The following UBA2 variants were observed in gnomAD, a reference collection of about 807,000 sequenced individuals.
UBA2 encodes the protein ubiquitin like modifier activating enzyme 2, also known as SUMO-activating enzyme subunit 2.
UBA2 carries 11 observed loss-of-function variants against 77.2 expected under a neutral mutation model. The ratio of observed to expected loss-of-function variants is 0.14; its 90% CI spans 0.09 to 0.24. UBA2 has a LOEUF of 0.24. UBA2 is among the 10% of genes least tolerant of loss of function. The pLI is 1.00. For synonymous variants in UBA2, 278 were observed against 276.7 expected, an observed-to-expected ratio of 1.00 and a Z score of -0.05; for missense variants, 487 against 781.7, an observed-to-expected ratio of 0.62 and a Z score of 4.50.
At chr19:34,463,957 T>A in intron 14 of UBA2, 69 bp from the exon 15 acceptor site, 11 of 1,176,730 alleles carry the variant, frequency 9.3e-6, no homozygotes, top group Non-Finnish European at 1.4e-5. Flanking sequence ...AGGTTTAGCT[T>A]TTTAAAAAAT....
chr19:34,468,409 A>G (rs184417768), intron 16 of UBA2, among the ~76,000 whole-genome samples: 136 of 152,312 alleles, frequency 8.9e-4, no homozygotes, highest in African/African-American at 3.2e-3. Flanking sequence ...TGAAATGTAC[A>G]TTTATTGATT....
intron 5 of UBA2, among the ~76,000 whole-genome samples, chr19:34,436,013 G>C (rs2075304076): frequency 1.3e-5 from 2 of 151,772 alleles, no homozygotes; most frequent in Admixed American, 1.3e-4. Context: ...CCAGCTACTT[G>C]GGAGGCTGAG....
At chr19:34,447,698 C>G (rs1054112256) in intron 8 of UBA2, among the ~76,000 whole-genome samples, 1 of 152,194 alleles carries the variant, frequency 6.6e-6, no homozygotes, top group African/African-American at 2.4e-5. Context: ...AAACTTTGAA[C>G]AATAAATTTC....
intron 8 of UBA2, among the ~76,000 whole-genome samples, chr19:34,449,105 C>T (rs2075464362): frequency 8.6e-6 from 1 of 115,946 alleles, no homozygotes; most frequent in East Asian, 2.8e-4. Context: ...GAGTCTCACT[C>T]TGTTGCCAGG....
At chr19:34,435,617 G>A (rs539854853) in intron 5 of UBA2, among the ~76,000 whole-genome samples, 2 of 151,430 alleles carry the variant, frequency 1.3e-5, no homozygotes, top group Admixed American at 1.3e-4. Flanking sequence ...ATGACTTGAG[G>A]TCAGGAGTTC....
chr19:34,437,136 AT>A (rs896936202), intron 5 of UBA2, among the ~76,000 whole-genome samples: 5 of 151,994 alleles, frequency 3.3e-5, no homozygotes, highest in African/African-American at 1.2e-4. Context: ...TAATTTTTGC[AT>A]TTTTGGTAGA....
chr19:34,451,798 G>A (rs1201654078), intron 9 of UBA2, among the ~76,000 whole-genome samples, 183 bp from the exon 10 acceptor site: 1 of 151,758 alleles, frequency 6.6e-6, no homozygotes, highest in Non-Finnish European at 1.5e-5. Flanking sequence ...CGTCTGCCTC[G>A]GCCTCCCAAA....
Position 34,469,209 on chromosome 19 carries a change from A to T in UBA2, c.1911A>T (p.Ile637=). The change falls in exon 17 of 17, where the codon ATA becomes ATT. Residue 637 remains isoleucine (I), a synonymous_variant. Coordinates refer to ENST00000246548, the MANE Select transcript of UBA2 (RefSeq NM_005499.3). The stretch of plus-strand genomic sequence containing the variant: ...AGAAGGAAGAGCTTGATGATGTCAT[A>T]GCATTAGATTGAACAGAAATGCCTC... ...IEQKEELDDV[I]ALD is the part of the protein sequence containing the mutation. 1 of 1,588,018 alleles carries T rather than the reference A, an allele frequency of 6.3e-7. No individual in the cohort carries two copies. The highest frequency in any genetic ancestry group is 1.4e-5 in the African/African-American group (1 of 73,574).
chr19:34,465,274 A>G (rs2075675276), intron 15 of UBA2, among the ~76,000 whole-genome samples: 1 of 152,178 alleles, frequency 6.6e-6, no homozygotes, highest in Admixed American at 6.5e-5. Context: ...TGAGTATACA[A>G]ACATGCATAG....
chr19:34,440,307 CAAAAAA>C (rs60873964), intron 6 of UBA2, among the ~76,000 whole-genome samples: 4 of 90,398 alleles, frequency 4.4e-5, no homozygotes, highest in South Asian at 3.3e-4. Flanking sequence ...GATGATGTTT[CAAAAAA>C]AAAAAAAAAA....
Position 34,450,284 on chromosome 19 carries a change from G to C in UBA2, c.791G>C (p.Arg264Thr). The C allele has an allele frequency of 6.2e-7, 1 of 1,610,698 alleles. No individual in the cohort carries two copies. The highest frequency in any genetic ancestry group is 8.5e-7 in the Non-Finnish European group (1 of 1,178,976). Reference sequence around the variant, plus strand: ...TGTAAGCTTTTTAAAGATGACATCAGGTATCTGTTGACAATGGACAAACTA... The same window carrying C: ...TGTAAGCTTTTTAAAGATGACATCACGTATCTGTTGACAATGGACAAACTA... ...LFTKLFKDDIRYLLTMDKLWR... is the reference protein window; with the variant it reads ...LFTKLFKDDITYLLTMDKLWR... The change falls in exon 9 of 17, where the codon AGG (arginine) becomes ACG (threonine). Residue 264 changes from arginine to threonine, a missense_variant. Arg to Thr is a moderately conservative substitution (Grantham distance 71, BLOSUM62 -1). Around this residue, in one of 9 missense-constraint regions of UBA2, gnomAD observed 300 missense variants for 454.3 expected, o/e 0.66. Transcript: ENST00000246548.
At chr19:34,462,690 G>A (rs2075644684) in intron 14 of UBA2, among the ~76,000 whole-genome samples, 1 of 152,182 alleles carries the variant, frequency 6.6e-6, no homozygotes, top group Non-Finnish European at 1.5e-5. Context: ...ATTGGGCTTG[G>A]TGCACTGGCT....
chr19:34,430,135 C>G (rs1408687831), intron 1 of UBA2: 1 of 153,498 alleles, frequency 6.5e-6, no homozygotes, highest in African/African-American at 2.4e-5. Flanking sequence ...TCTTGAAGGT[C>G]TGGGCTCAAG....
chr19:34,454,127 T>A, intron 10 of UBA2, 133 bp from the exon 11 acceptor site: 2 of 807,122 alleles, frequency 2.5e-6, no homozygotes, highest in Non-Finnish European at 4.0e-6. Context: ...CTGACTGGTC[T>A]TTCCCTCAGC....
rs151335384 is a variant in UBA2 at position 34,435,563 on chromosome 19, C to T, written c.459+595C>T. 4.4e-3 allele frequency among the ~76,000 whole-genome samples: 667 copies of T among 152,242 alleles called. 4 individuals carry two copies. The highest frequency in any genetic ancestry group is 0.015 in the African/African-American group (634 of 41,558). ...TCTTTGTGTCGGCTGCGTGCAGTGGCTCATGCCTGTAATCCCAGCACTTTG... is the reference window on the plus strand; with the variant it reads ...TCTTTGTGTCGGCTGCGTGCAGTGGTTCATGCCTGTAATCCCAGCACTTTG... On this transcript the variant is annotated intron_variant, in intron 5 of 16. Transcript: ENST00000246548.
chr19:34,429,576 T>C (rs991269781), intron 1 of UBA2, among the ~76,000 whole-genome samples: 3 of 152,232 alleles, frequency 2.0e-5, no homozygotes, highest in Admixed American at 6.5e-5. Context: ...GGATGAAGGC[T>C]TGAATTAAGG....
At chr19:34,464,979 A>G (rs2075672361) in intron 15 of UBA2, among the ~76,000 whole-genome samples, 1 of 152,286 alleles carries the variant, frequency 6.6e-6, no homozygotes, top group Admixed American at 6.5e-5. Context: ...CAGAGGTTGC[A>G]GTGAGCCAAG....
At position 34,454,426 on chromosome 19, in the gene UBA2, C is replaced by CTT. The variant is rs113959168; in HGVS notation, c.1133-7_1133-6dup. ...TTTTAAACAGTGAAACATACTCATC[C>CTT]TTTTTTTTTTTTCCCAGCAATGGCA... On this transcript the variant is annotated splice_polypyrimidine_tract_variant and intron_variant, in intron 11 of 16. Transcript: ENST00000246548. 66 of 1,234,976 alleles carry CTT rather than the reference C, an allele frequency of 5.3e-5. No individual in the cohort carries two copies. Among genetic ancestry groups the CTT allele is most frequent in the Middle Eastern group, 2.1e-4 (1 of 4,878 alleles). 76.5% of individuals were successfully genotyped at this position (1,234,976 alleles called of 1,614,324 possible).
chr19:34,443,778 T>G, intron 6 of UBA2, 66 bp from the exon 7 acceptor site: 1 of 1,092,806 alleles, frequency 9.2e-7, no homozygotes, highest in Non-Finnish European at 1.4e-6. Context: ...ATTTGGAATA[T>G]TCTAAATTAC....
Sources: allele counts gnomAD v4.1 joint callset (sites outside exome capture counted in the v4.1 genomes callset), GRCh38; gene constraint gnomAD v4.1.1; regional missense constraint gnomAD v4.1.1; transcripts MANE v1.5; gene names NCBI Gene and HGNC (gene_info 2026-07-23, HGNC 2026-07-21).